XXYLT1: variants seen among roughly 807,000 people sequenced by gnomAD.
XXYLT1 encodes the protein xyloside xylosyltransferase 1.
XXYLT1 carries 20 observed loss-of-function variants against 28.9 expected under a neutral mutation model. That is an observed-to-expected ratio of 0.69 (90% confidence interval 0.49 to 1.00). The LOEUF (loss-of-function observed/expected upper bound fraction) is 1.00, where lower values mean the gene tolerates loss of function less well. Among genes scored for constraint, XXYLT1 ranks in the 50% least tolerant of loss-of-function variants. The pLI, the probability that XXYLT1 is intolerant of heterozygous loss-of-function variation, is 0.00. For synonymous variants in XXYLT1, 257 were observed against 253.8 expected, an observed-to-expected ratio of 1.01 and a Z score of -0.12; for missense variants, 542 against 560.1, an observed-to-expected ratio of 0.97 and a Z score of 0.33.
At chr3:195,072,737 A>G (rs916153140) in intron 3 of XXYLT1, among the ~76,000 whole-genome samples, 1 of 152,168 alleles carries the variant, frequency 6.6e-6, no homozygotes, top group African/African-American at 2.4e-5. Context: ...TCCCCACCCA[A>G]AGCGATGTTC....
chr3:195,196,444 G>A (rs1348131834), intron 2 of XXYLT1, among the ~76,000 whole-genome samples: 4 of 152,142 alleles, frequency 2.6e-5, no homozygotes, highest in South Asian at 2.1e-4. Flanking sequence ...CAACAACCCC[G>A]ACATGTACAA....
At chr3:195,200,061 G>C (rs1722785881) in intron 2 of XXYLT1, among the ~76,000 whole-genome samples, 2 of 152,256 alleles carry the variant, frequency 1.3e-5, no homozygotes, top group Admixed American at 1.3e-4. Context: ...TGGAAGCTCT[G>C]TGTATCCACA....
At chr3:195,083,072 G>A (rs762396718) in intron 3 of XXYLT1, among the ~76,000 whole-genome samples, 2 of 152,212 alleles carry the variant, frequency 1.3e-5, no homozygotes, top group Non-Finnish European at 2.9e-5. Context: ...TCCGGAGGAT[G>A]AAGTGAAGAC....
rs1560117028 is a variant in XXYLT1 at position 195,143,824 on chromosome 3, A to ATC, written c.785+12624_785+12625insGA. On this transcript the variant is annotated intron_variant, in intron 3 of 3. Coordinates refer to ENST00000310380, the MANE Select transcript of XXYLT1 (RefSeq NM_152531.5). Reference sequence around the variant, plus strand: ...TAGATAGATATATATAGATATAGATATATATAGATATAGATATAGATATAT... The same window carrying ATC: ...TAGATAGATATATATAGATATAGATATCTATATAGATATAGATATAGATATAT... Among the ~76,000 whole-genome samples, 48 of 89,964 alleles carry ATC rather than the reference A, an allele frequency of 5.3e-4. 1 individual carries two copies. The highest frequency in any genetic ancestry group is 1.9e-3 in the African/African-American group (46 of 24,362). 59.0% of individuals were successfully genotyped at this position (89,964 alleles called of 152,430 possible).
At chr3:195,122,278 T>A in intron 3 of XXYLT1, 1 of 667,160 alleles carries the variant, frequency 1.5e-6, no homozygotes, top group Non-Finnish European at 2.7e-6. Context: ...TTTGGGGGGA[T>A]ACAATTATTC....
chr3:195,160,091 A>G (rs1381708623), intron 2 of XXYLT1, among the ~76,000 whole-genome samples: 2 of 146,634 alleles, frequency 1.4e-5, no homozygotes, highest in South Asian at 2.2e-4. Context: ...AAAGGAAAAA[A>G]AAATCCAGAA....
chr3:195,215,269 A>T (rs1723521015), intron 2 of XXYLT1, among the ~76,000 whole-genome samples: 1 of 146,958 alleles, frequency 6.8e-6, no homozygotes, highest in African/African-American at 2.5e-5. Flanking sequence ...TCAACTAACG[A>T]GCAAAATAAC....
chr3:195,159,058 T>C (rs1402209119), intron 2 of XXYLT1, among the ~76,000 whole-genome samples: 4 of 152,020 alleles, frequency 2.6e-5, no homozygotes, highest in Admixed American at 2.6e-4. Context: ...AGCAGTAGGA[T>C]CACTGAAATG....
intron 2 of XXYLT1, among the ~76,000 whole-genome samples, chr3:195,224,235 G>A (rs1723952222): frequency 6.6e-6 from 1 of 152,244 alleles, no homozygotes; most frequent in African/African-American, 2.4e-5. Context: ...GTTTGGGTCG[G>A]CTGGAGGCAC....
chr3:195,125,575 C>T (rs562924533), intron 3 of XXYLT1, among the ~76,000 whole-genome samples: 6 of 152,348 alleles, frequency 3.9e-5, no homozygotes, highest in African/African-American at 1.2e-4. Context: ...CTCCCCACCA[C>T]CTGATTCAAA....
chr3:195,136,468 G>A (rs546240857), intron 3 of XXYLT1, among the ~76,000 whole-genome samples: 2 of 152,200 alleles, frequency 1.3e-5, no homozygotes, highest in East Asian at 3.9e-4. Context: ...GGACCTCAGG[G>A]GCAGAGGGGA....
At chr3:195,187,171 G>A (rs1470412497) in intron 2 of XXYLT1, among the ~76,000 whole-genome samples, 1 of 151,080 alleles carries the variant, frequency 6.6e-6, no homozygotes, top group Non-Finnish European at 1.5e-5. Context: ...CCGGGAGACG[G>A]AGCTTGCAGT....
rs996531213 is a variant in XXYLT1, at chr3:195,150,332, C to T, written c.785+6117G>A. Among the ~76,000 whole-genome samples, 36 of 152,294 alleles carry T rather than the reference C, an allele frequency of 2.4e-4. No homozygotes were observed. The highest frequency in any genetic ancestry group is 8.7e-4 in the African/African-American group (36 of 41,548). On this transcript the variant is annotated intron_variant, in intron 3 of 3. Coordinates refer to ENST00000310380, the MANE Select transcript of XXYLT1 (RefSeq NM_152531.5). This position sits in a 1 kb window ranked among gnomAD's most constrained non-coding sequence, Gnocchi z 4.7. ...CAACTGAGTGGTAGAGGTAGTCAGT[C>T]CACACCCTCCCTTCTTCCCTCTGTG...
intron 2 of XXYLT1, among the ~76,000 whole-genome samples, chr3:195,190,012 T>G (rs1722351581): frequency 6.6e-6 from 1 of 152,154 alleles, no homozygotes; most frequent in Non-Finnish European, 1.5e-5. Flanking sequence ...ATGGCTGCCT[T>G]CTCATTAGAA....
intron 3 of XXYLT1, among the ~76,000 whole-genome samples, chr3:195,110,901 G>GT (rs1717669491): frequency 2.3e-5 from 1 of 43,482 alleles, no homozygotes; most frequent in African/African-American, 9.0e-5. Flanking sequence ...GTGTGTGGGT[G>GT]AGGTGTGTGG....
chr3:195,186,969 A>T (rs1225817135), intron 2 of XXYLT1, among the ~76,000 whole-genome samples: 1 of 147,590 alleles, frequency 6.8e-6, no homozygotes, highest in Non-Finnish European at 1.5e-5. Flanking sequence ...ATCTCGGCTC[A>T]CCGCAACCTC....
At chr3:195,097,818 C>G (rs983671904) in intron 3 of XXYLT1, among the ~76,000 whole-genome samples, 13 of 151,854 alleles carry the variant, frequency 8.6e-5, no homozygotes, top group African/African-American at 3.1e-4. Flanking sequence ...AATGCCCCCA[C>G]CCCCCCACCA....
At chr3:195,149,677 T>C (rs1197112158) in intron 3 of XXYLT1, among the ~76,000 whole-genome samples, 1 of 152,234 alleles carries the variant, frequency 6.6e-6, no homozygotes, top group Admixed American at 6.5e-5. Flanking sequence ...ATCCCCTGGT[T>C]TCCAATATTC....
intron 3 of XXYLT1, among the ~76,000 whole-genome samples, chr3:195,084,960 A>C (rs1243854202): frequency 6.6e-6 from 1 of 152,186 alleles, no homozygotes; most frequent in Admixed American, 6.5e-5. Flanking sequence ...TGAGGGTAGG[A>C]AAGGGAGGCC....
Sources: allele counts gnomAD v4.1 joint callset (sites outside exome capture counted in the v4.1 genomes callset), GRCh38; gene constraint gnomAD v4.1.1; non-coding constraint Gnocchi (gnomAD v3.1); transcripts MANE v1.5; gene names NCBI Gene and HGNC (gene_info 2026-07-23, HGNC 2026-07-21).